RIMBP2: variants seen among roughly 807,000 people sequenced by gnomAD.
RIMBP2 encodes RIMS binding protein 2.
In RIMBP2, 48 loss-of-function variants were observed where a neutral mutation model predicts 118.6. The ratio of observed to expected loss-of-function variants is 0.40; its 90% CI spans 0.32 to 0.51. The LOEUF is 0.51. RIMBP2 is among the 20% of genes least tolerant of loss of function. The pLI is 0.41. For synonymous variants in RIMBP2, 762 were observed against 742.9 expected (o/e 1.03, Z -0.42); for missense variants, 1,551 against 1,768.3 (o/e 0.88, Z 2.20).
chr12:130,574,978 A>AGTAG lies in RIMBP2; in HGVS notation c.-217+53343_-217+53344insCTAC, dbSNP rs2057977914. Reference sequence around the variant, plus strand: ...AATCACACCCCCCACCGCCACCCCCACCCCCAGACGCCCTGTGCCAAGTCC... The same window carrying AGTAG: ...AATCACACCCCCCACCGCCACCCCCAGTAGCCCCCAGACGCCCTGTGCCAAGTCC... On this transcript the variant is annotated intron_variant, in intron 2 of 22. Transcript: ENST00000690449. 2.2e-3 allele frequency among the ~76,000 whole-genome samples: 38 copies of AGTAG among 16,930 alleles called. 1 individual carries two copies. Among genetic ancestry groups the AGTAG allele is most frequent in the African/African-American group, 7.6e-3 (37 of 4,842 alleles). The allele number at this position is 16,930 out of a possible 152,430, so 11.1% of individuals were successfully genotyped here.
Position 130,497,554 on chromosome 12 carries a change from G to GT in RIMBP2, c.-4+9093dup, listed in dbSNP as rs1413881072. ...GGAGAGATGCGTTCTGGCCGTGGCT[G>GT]TGAGCGAAGCACCACCGGTTGCAGT... On this transcript the variant is annotated intron_variant, in intron 4 of 22. Transcript: ENST00000690449. 7.2e-5 allele frequency among the ~76,000 whole-genome samples: 11 copies of GT among 152,344 alleles called. No homozygotes were observed. The East Asian group carries it at 2.1e-3, about 29-fold the overall frequency.
At chr12:130,600,090 A>C (rs2140418106) in intron 2 of RIMBP2, among the ~76,000 whole-genome samples, 1 of 152,326 alleles carries the variant, frequency 6.6e-6, no homozygotes, top group East Asian at 1.9e-4. Flanking sequence ...TGACTGAACC[A>C]GTGTACATCT....
In RIMBP2 at chr12:130,396,193, A is replaced by C. The variant is rs1052026326; in HGVS notation, c.*1168T>G. 4.6e-5 allele frequency: 7 copies of C among 152,696 alleles called. No homozygotes were observed. The highest frequency in any genetic ancestry group is 1.0e-4 in the Non-Finnish European group (7 of 68,048). 9.5% of individuals were successfully genotyped at this position (152,696 alleles called of 1,614,324 possible). ...TTTTACACTAACTGTGCACATGCAC[A>C]CACCCACACAGAGCTTAACCACACA... On this transcript the variant is annotated 3_prime_UTR_variant, in exon 23 of 23. Transcript: ENST00000690449.
rs2050935909 is a variant in RIMBP2 at position 130,511,785 on chromosome 12, G to T, written c.-126-5015C>A. Reference sequence around the variant, plus strand: ...AGCCCCTCTTCCTCCCACCACAGTGGGGATGCGACCCTTCGAGATGGAATA... The same window carrying T: ...AGCCCCTCTTCCTCCCACCACAGTGTGGATGCGACCCTTCGAGATGGAATA... On this transcript the variant is annotated intron_variant, in intron 3 of 22. Transcript: ENST00000690449. The surrounding 1 kb of genome is among the most constrained non-coding windows in gnomAD (Gnocchi z 4.3). Among the ~76,000 whole-genome samples, 1 of 152,028 alleles carries T rather than the reference G, an allele frequency of 6.6e-6. No individual in the cohort carries two copies. Among genetic ancestry groups the T allele is most frequent in the African/African-American group, 2.4e-5 (1 of 41,404 alleles).
In RIMBP2 at chr12:130,696,827, G is replaced by T. The variant is rs75038866; in HGVS notation, c.-352+19395C>A. 5.5e-3 allele frequency among the ~76,000 whole-genome samples: 841 copies of T among 152,290 alleles called. 7 individuals carry two copies. The highest frequency in any genetic ancestry group is 0.019 in the African/African-American group (797 of 41,550). ...ACCTCTCTTTGGAGTCTCAGTTTGG[G>T]AAGCACTGTATCTGGTCAGAGAAAA... On this transcript the variant is annotated intron_variant, in intron 1 of 22. Coordinates refer to ENST00000690449, the MANE Select transcript of RIMBP2 (RefSeq NM_001393629.1).
intron 6 of RIMBP2, among the ~76,000 whole-genome samples, chr12:130,463,729 T>C (rs2080210338): frequency 6.6e-6 from 1 of 151,848 alleles, no homozygotes; most frequent in Non-Finnish European, 1.5e-5. Context: ...CCATCTTGAA[T>C]AGGGGCTGGG....
chr12:130,547,702 G>A (rs2055316897), intron 2 of RIMBP2, among the ~76,000 whole-genome samples: 1 of 152,210 alleles, frequency 6.6e-6, no homozygotes, highest in Admixed American at 6.5e-5. Flanking sequence ...CATCATTAGC[G>A]ATTCCCAACT....
chr12:130,599,440 T>C (rs373394381), intron 2 of RIMBP2, among the ~76,000 whole-genome samples: 1 of 152,176 alleles, frequency 6.6e-6, no homozygotes, highest in Admixed American at 6.5e-5. Flanking sequence ...CCAATTAAAC[T>C]AATGGGCAAA....
intron 3 of RIMBP2, among the ~76,000 whole-genome samples, chr12:130,507,491 T>C (rs972152959): frequency 1.3e-5 from 2 of 152,228 alleles, no homozygotes; most frequent in African/African-American, 4.8e-5. Flanking sequence ...TGTCTAAAAA[T>C]TTTATCTCAT....
At chr12:130,699,823 T>C (rs1403696971) in intron 1 of RIMBP2, among the ~76,000 whole-genome samples, 3 of 149,676 alleles carry the variant, frequency 2.0e-5, no homozygotes, top group Admixed American at 6.7e-5. Flanking sequence ...GGAGAATCAC[T>C]TGAACTGGGA....
In RIMBP2 at chr12:130,621,108, A is replaced by C. The variant is rs537169323; in HGVS notation, c.-217+7214T>G. ...AGGGTGGGTTCATTTTTTTACCAGC[A>C]CCCTGGGAGCTGGTCATTCCTACGT... On this transcript the variant is annotated intron_variant, in intron 2 of 22. Coordinates refer to ENST00000690449, the MANE Select transcript of RIMBP2 (RefSeq NM_001393629.1). The surrounding 1 kb of genome is among the most constrained non-coding windows in gnomAD (Gnocchi z 6.6). Among the ~76,000 whole-genome samples the C allele has an allele frequency of 2.0e-5, 3 of 152,216 alleles. No individual in the cohort carries two copies. Among genetic ancestry groups the C allele is most frequent in the South Asian group, 4.1e-4 (2 of 4,822 alleles).
At chr12:130,685,187 TTAA>T (rs2064983782) in intron 1 of RIMBP2, among the ~76,000 whole-genome samples, 1 of 152,272 alleles carries the variant, frequency 6.6e-6, no homozygotes, top group Admixed American at 6.5e-5. Context: ...CTCTGCTTCA[TTAA>T]TAATAATATG....
rs11060963 is a variant in RIMBP2 at position 130,511,710 on chromosome 12, T to C, written c.-126-4940A>G. Among the ~76,000 whole-genome samples, 1,391 of 152,186 alleles carry C rather than the reference T, an allele frequency of 9.1e-3. 30 individuals carry two copies. Among genetic ancestry groups the C allele is most frequent in the African/African-American group, 0.032 (1,313 of 41,542 alleles). Reference sequence around the variant, plus strand: ...TTCTGATGAGCCTGGAGCAGAAATCTCTAGAGGACAATGACCTTTCATGAA... The same window carrying C: ...TTCTGATGAGCCTGGAGCAGAAATCCCTAGAGGACAATGACCTTTCATGAA... On this transcript the variant is annotated intron_variant, in intron 3 of 22. Transcript: ENST00000690449. The surrounding 1 kb of genome is among the most constrained non-coding windows in gnomAD (Gnocchi z 4.3).
At chr12:130,674,430 T>C (rs1197335587) in intron 1 of RIMBP2, among the ~76,000 whole-genome samples, 1 of 152,104 alleles carries the variant, frequency 6.6e-6, no homozygotes, top group East Asian at 1.9e-4. Flanking sequence ...GACGTAGTTG[T>C]GCAGAGCAGG....
intron 4 of RIMBP2, among the ~76,000 whole-genome samples, chr12:130,485,175 G>A (rs1332950825): frequency 6.6e-6 from 1 of 152,232 alleles, no homozygotes; most frequent in African/African-American, 2.4e-5. Flanking sequence ...GACAGCTACC[G>A]CCGCATTGGT....
In RIMBP2 at chr12:130,484,256, ACCACCATCTG is replaced by A. The variant is rs1159947770; in HGVS notation, c.-3-5250_-3-5241del. Among the ~76,000 whole-genome samples the A allele has an allele frequency of 2.6e-5, 4 of 152,168 alleles. No homozygotes were observed. The East Asian group carries it at 7.7e-4, about 29-fold the overall frequency. ...CCTCTTGCCTCCTGATGCCGCTGCC[ACCACCATCTG>A]CCTGCCTCTCATGCCCTGCTGTAAC... is the stretch of plus-strand genomic sequence containing the variant. On this transcript the variant is annotated intron_variant, in intron 4 of 22. Coordinates refer to ENST00000690449, the MANE Select transcript of RIMBP2 (RefSeq NM_001393629.1).
intron 2 of RIMBP2, among the ~76,000 whole-genome samples, chr12:130,546,312 T>C (rs144524912): frequency 0.014 from 2,086 of 150,782 alleles, 25 homozygotes; most frequent in Middle Eastern, 0.054. Flanking sequence ...AGTTAGCTTT[T>C]TGAGACAGAA....
At chr12:130,609,494 CG>C (rs1222820052) in intron 2 of RIMBP2, among the ~76,000 whole-genome samples, 12 of 138,552 alleles carry the variant, frequency 8.7e-5, no homozygotes, top group African/African-American at 3.2e-4. Flanking sequence ...CTGGTGAGGT[CG>C]GGGGTCAGGA....
chr12:130,504,329 C>A (rs892655417), intron 4 of RIMBP2, among the ~76,000 whole-genome samples: 1 of 152,106 alleles, frequency 6.6e-6, no homozygotes, highest in Non-Finnish European at 1.5e-5. Context: ...TCCTGCACCC[C>A]CTGACTCCTC....
Sources: allele counts gnomAD v4.1 joint callset (sites outside exome capture counted in the v4.1 genomes callset), GRCh38; gene constraint gnomAD v4.1.1; non-coding constraint Gnocchi (gnomAD v3.1); transcripts MANE v1.5; gene names NCBI Gene and HGNC (gene_info 2026-07-23, HGNC 2026-07-21).